Variants in DNAJC13 observed in about 807,000 individuals in gnomAD.
The protein encoded by DNAJC13 is DnaJ heat shock protein family (Hsp40) member C13.
Under a neutral mutation model 290.5 loss-of-function variants are expected in DNAJC13, and 75 were observed. The ratio of observed to expected loss-of-function variants is 0.26; its 90% CI spans 0.21 to 0.31. The LOEUF (loss-of-function observed/expected upper bound fraction) is 0.31. Ranked by LOEUF, DNAJC13 falls within the 10% of genes least tolerant of loss-of-function variation. DNAJC13 has a pLI of 1.00. For synonymous variants in DNAJC13, 862 were observed against 892.0 expected, an observed-to-expected ratio of 0.97 and a Z score of 0.60; for missense variants, 2,260 against 2,674.5, an observed-to-expected ratio of 0.85 and a Z score of 3.42.
At chr3:132,525,506 T>C in intron 51 of DNAJC13, 104 bp from the exon 52 acceptor site, 4 of 1,182,240 alleles carry the variant, frequency 3.4e-6, no homozygotes, top group Non-Finnish European at 4.8e-6. Context: ...TATCAGCACT[T>C]AGAACTTTTG....
intron 1 of DNAJC13, among the ~76,000 whole-genome samples, chr3:132,422,133 C>T (rs1222183880): frequency 2.6e-5 from 4 of 151,868 alleles, no homozygotes; most frequent in African/African-American, 4.8e-5. Flanking sequence ...TGGGCTCAAG[C>T]GATCCTCCCA....
At chr3:132,493,778 A>T (rs986851262) in intron 33 of DNAJC13, among the ~76,000 whole-genome samples, 21 of 151,996 alleles carry the variant, frequency 1.4e-4, no homozygotes, top group African/African-American at 5.1e-4. Context: ...GACGTTTTTC[A>T]TGGTTTCTGG....
intron 13 of DNAJC13, among the ~76,000 whole-genome samples, chr3:132,458,564 A>G (rs1377202070): frequency 1.3e-5 from 2 of 152,144 alleles, no homozygotes; most frequent in African/African-American, 4.8e-5. Context: ...TGTTGCAACA[A>G]AAGATTCTGC....
At chr3:132,464,096 G>A (rs1933898828) in intron 17 of DNAJC13, among the ~76,000 whole-genome samples, 1 of 152,134 alleles carries the variant, frequency 6.6e-6, no homozygotes, top group South Asian at 2.1e-4. Flanking sequence ...GTACTTAAAA[G>A]CTTATGGAAC....
chr3:132,482,420 G>A, intron 27 of DNAJC13, 90 bp downstream of exon 27: 2 of 993,136 alleles, frequency 2.0e-6, no homozygotes, highest in South Asian at 3.4e-5. Context: ...ATGTTTTAAA[G>A]CTGTCATTTA....
chr3:132,453,275 T>C (rs772983222), intron 6 of DNAJC13, 23 bp from the exon 7 acceptor site: 2 of 1,607,064 alleles, frequency 1.2e-6, no homozygotes, highest in Non-Finnish European at 8.5e-7. Flanking sequence ...ACTCTGACTT[T>C]TTAAATTTCT....
At position 132,467,291 on chromosome 3, in the gene DNAJC13, G is replaced by C. The variant is rs761065005; in HGVS notation, c.2186G>C (p.Arg729Thr). The C allele has an allele frequency of 6.2e-7, 1 of 1,613,326 alleles. No homozygotes were observed. ...CTTGTATTGATGCACTGGAGGGATA[G>C]GATGGGCATTGCTCAAAAAGAGGTA... is the stretch of plus-strand genomic sequence containing the variant. ...VDLVLMHWRD[R>T]MGIAQKENIN... Residue 729 changes from arginine to threonine, a missense_variant, in exon 20 of 56, where the codon AGG becomes ACG. This residue lies in a region of DNAJC13 where 762 missense variants were observed against 964.1 expected (regional missense o/e 0.79). Transcript: ENST00000260818.
intron 19 of DNAJC13, among the ~76,000 whole-genome samples, chr3:132,466,868 A>G (rs1053130910): frequency 1.5e-4 from 23 of 152,202 alleles, no homozygotes; most frequent in African/African-American, 5.3e-4. Flanking sequence ...AAACATCTTT[A>G]TGATACACTA....
In DNAJC13 at chr3:132,478,139, G is replaced by A. The variant is rs141952333; in HGVS notation, c.2708G>A (p.Arg903Lys). The A allele has an allele frequency of 2.7e-3, 4,363 of 1,598,814 alleles. 6 individuals carry two copies. The highest frequency in any genetic ancestry group is 3.4e-3 in the Non-Finnish European group (3,945 of 1,175,546). ...AGATATATCATTGGAATGTTAGAGA[G>A]GGTAAGGATATCATTTAAGGAAATT... ...DTRYIIGMLE[R>K]CTDKLERDRL... The change falls in exon 24 of 56, where the codon AGG (arginine) becomes AAG (lysine). Residue 903 changes from arginine (R) to lysine (K), a missense_variant and splice_region_variant. Transcript: ENST00000260818.
intron 1 of DNAJC13, among the ~76,000 whole-genome samples, chr3:132,420,648 A>G (rs1938928186): frequency 6.6e-6 from 1 of 152,208 alleles, no homozygotes; most frequent in Non-Finnish European, 1.5e-5. Context: ...GAGGCACAAC[A>G]CAAAGAATCA....
In DNAJC13 at chr3:132,454,176, GT is replaced by G; in HGVS notation, c.932+24del. On this transcript the variant is annotated intron_variant, in intron 9 of 55. Coordinates refer to ENST00000260818, the MANE Select transcript of DNAJC13 (RefSeq NM_015268.4). ...CAGAGAGGTATTTTTTTTTTTTTAAGTTTTTGAAATCCTAGTTGTGCAAGGC... is the reference window on the plus strand; with the variant it reads ...CAGAGAGGTATTTTTTTTTTTTTAAGTTTTGAAATCCTAGTTGTGCAAGGC... 6.5e-7 allele frequency: 1 copy of G among 1,530,566 alleles called. No individual in the cohort carries two copies. The highest frequency in any genetic ancestry group is 1.9e-5 in the Admixed American group (1 of 52,960). The allele number at this position is 1,530,566 out of a possible 1,614,324, so 94.8% of individuals were successfully genotyped here.
chr3:132,532,912 A>AATTATTATTATATTATTATT (rs1936461036), intron 55 of DNAJC13, among the ~76,000 whole-genome samples: 1 of 141,828 alleles, frequency 7.1e-6, no homozygotes, highest in Non-Finnish European at 1.5e-5. Flanking sequence ...TAATTTTTGT[A>AATTATTATTATATTATTATT]ATTATTATTA....
At chr3:132,502,268 C>A in intron 39 of DNAJC13, 21 bp from the exon 40 acceptor site, 2 of 1,510,548 alleles carry the variant, frequency 1.3e-6, no homozygotes, top group South Asian at 1.3e-5. Flanking sequence ...ACAACTAATG[C>A]TCTCATTTTT....
At chr3:132,445,824 A>G (rs1308764893) in intron 2 of DNAJC13, among the ~76,000 whole-genome samples, 1 of 151,994 alleles carries the variant, frequency 6.6e-6, no homozygotes, top group Non-Finnish European at 1.5e-5. Context: ...TTCTAATTCA[A>G]TTTCCTTTTA....
intron 1 of DNAJC13, among the ~76,000 whole-genome samples, chr3:132,429,305 T>C (rs952005087): frequency 6.6e-6 from 1 of 151,136 alleles, no homozygotes; most frequent in Admixed American, 6.6e-5. Flanking sequence ...AGGGTGAAGT[T>C]TTTTTTTTTC....
At chr3:132,507,109 G>C in intron 42 of DNAJC13, 128 bp from the exon 43 acceptor site, 1 of 577,628 alleles carries the variant, frequency 1.7e-6, no homozygotes, top group Non-Finnish European at 3.1e-6. Flanking sequence ...TAAGTGCTGT[G>C]ACATGTATCA....
chr3:132,434,007 A>G (rs1455509776), intron 1 of DNAJC13, among the ~76,000 whole-genome samples: 1 of 152,178 alleles, frequency 6.6e-6, no homozygotes, highest in Non-Finnish European at 1.5e-5. Context: ...AGGTCAGGAG[A>G]TCGAGACCAT....
chr3:132,474,884 TA>T, intron 21 of DNAJC13, 47 bp from the exon 22 acceptor site: 1 of 1,164,512 alleles, frequency 8.6e-7, no homozygotes. Context: ...ATAGATTTTT[TA>T]AAATGCTTAG....
intron 31 of DNAJC13, among the ~76,000 whole-genome samples, chr3:132,490,611 G>A (rs1935032723): frequency 6.6e-6 from 1 of 152,130 alleles, no homozygotes; most frequent in African/African-American, 2.4e-5. Flanking sequence ...ATGGTCAAAG[G>A]CCAGTCGTCC....
Sources: gnomAD v4.1 joint callset for allele counts (sites outside exome capture counted in the v4.1 genomes callset) on GRCh38, gnomAD v4.1.1 for gene constraint, gnomAD v4.1.1 regional missense constraint, MANE v1.5 for transcripts, NCBI Gene and HGNC (gene_info 2026-07-23, HGNC 2026-07-21) for gene names.